CAST: variants seen among roughly 807,000 people sequenced by gnomAD.
CAST encodes the protein MIR583 host.
Under a neutral mutation model 119.6 loss-of-function variants are expected in CAST, and 76 were observed. The observed-to-expected ratio is 0.64, with a 90% CI of 0.53 to 0.77. CAST has a LOEUF of 0.77. Among genes scored for constraint, CAST ranks in the 30% least tolerant of loss-of-function variants. The pLI, the probability that CAST is intolerant of heterozygous loss-of-function variation, is 0.00. For missense variants in CAST, 953 were observed against 946.5 expected, an observed-to-expected ratio of 1.01 and a Z score of -0.09; for synonymous variants, 319 against 331.6, an observed-to-expected ratio of 0.96 and a Z score of 0.41.
the CAST span, among the ~76,000 whole-genome samples, chr5:96,428,382 G>A: frequency 6.6e-6 from 1 of 152,074 alleles, no homozygotes; most frequent in South Asian, 2.1e-4. Context: ...GGCGAATCAG[G>A]ATAAATTTCT....
the CAST span, among the ~76,000 whole-genome samples, chr5:96,127,243 T>G: frequency 2.0e-5 from 3 of 152,134 alleles, no homozygotes; most frequent in South Asian, 2.1e-4. Flanking sequence ...CATTACAAAT[T>G]ACAATTTTTG....
chr5:96,198,253 C>T, the CAST span, among the ~76,000 whole-genome samples: 1 of 152,238 alleles, frequency 6.6e-6, no homozygotes, highest in Non-Finnish European at 1.5e-5. Context: ...TACCTCTGGA[C>T]TTCATTTAGT....
the CAST span, among the ~76,000 whole-genome samples, chr5:96,465,567 A>G: frequency 6.6e-6 from 1 of 152,118 alleles, no homozygotes; most frequent in South Asian, 2.1e-4. Context: ...TTCAAAGTAC[A>G]TGTGATCATT....
At chr5:96,345,050 A>C in the CAST span, among the ~76,000 whole-genome samples, 4 of 152,112 alleles carry the variant, frequency 2.6e-5, no homozygotes, top group African/African-American at 7.2e-5. Flanking sequence ...AATGAAATTC[A>C]ATTTGTATTT....
the CAST span, among the ~76,000 whole-genome samples, chr5:96,425,044 G>GAAAGAAAA: frequency 4.7e-3 from 601 of 127,176 alleles, 11 homozygotes; most frequent in African/African-American, 0.016. Flanking sequence ...AAGAAAGAAA[G>GAAAGAAAA]AAAGAAAGAA....
chr5:96,398,863 A>G, the CAST span: 1 of 1,604,882 alleles, frequency 6.2e-7, no homozygotes, highest in African/African-American at 1.3e-5. Flanking sequence ...AATGGCTTAG[A>G]ACTTTTTTAA....
At chr5:96,097,035 A>C in the CAST span, among the ~76,000 whole-genome samples, 1 of 152,208 alleles carries the variant, frequency 6.6e-6, no homozygotes, top group Non-Finnish European at 1.5e-5. Flanking sequence ...TATTTTGATT[A>C]AGTTTGACGT....
At chr5:96,051,319 G>A in the CAST span, among the ~76,000 whole-genome samples, 2 of 152,012 alleles carry the variant, frequency 1.3e-5, no homozygotes, top group African/African-American at 4.8e-5. Flanking sequence ...GTTGATGTTG[G>A]TGTAGATCTA....
At chr5:96,292,943 G>T in the CAST span, among the ~76,000 whole-genome samples, 2 of 152,200 alleles carry the variant, frequency 1.3e-5, no homozygotes, top group Admixed American at 1.3e-4. Flanking sequence ...TCATTAAAGA[G>T]TCCCGACTGA....
chr5:96,105,427 T>G, the CAST span, among the ~76,000 whole-genome samples: 1 of 152,232 alleles, frequency 6.6e-6, no homozygotes, highest in African/African-American at 2.4e-5. Flanking sequence ...CCTAATTTAT[T>G]GAGAGTTTTT....
chr5:96,569,737 C>A (rs560195118), intron 1 of CAST, among the ~76,000 whole-genome samples: 1 of 152,354 alleles, frequency 6.6e-6, no homozygotes, highest in Admixed American at 6.5e-5. Context: ...AGCGACAACA[C>A]GATCACTGAT....
At chr5:96,727,112 A>AT (rs1356210732) in intron 5 of CAST, among the ~76,000 whole-genome samples, 2 of 152,206 alleles carry the variant, frequency 1.3e-5, no homozygotes, top group African/African-American at 4.8e-5. Flanking sequence ...TATTTCACTG[A>AT]TAAAAACACC....
intron 3 of CAST, among the ~76,000 whole-genome samples, chr5:96,714,461 G>C (rs1052912355): frequency 6.6e-6 from 1 of 152,244 alleles, no homozygotes; most frequent in African/African-American, 2.4e-5. Flanking sequence ...AGAGCTCCAA[G>C]TCACATGGCT....
chr5:96,183,595 A>G, the CAST span, among the ~76,000 whole-genome samples: 2 of 151,994 alleles, frequency 1.3e-5, no homozygotes, highest in East Asian at 3.9e-4. Context: ...TTTTCCACAT[A>G]TTTATTTCGG....
chr5:96,576,233 T>C (rs1291216395), intron 1 of CAST, among the ~76,000 whole-genome samples: 1 of 152,218 alleles, frequency 6.6e-6, no homozygotes, highest in Non-Finnish European at 1.5e-5. Context: ...ATAAAATGAG[T>C]TGAAAAGTGT....
At chr5:96,114,512 C>T in the CAST span, among the ~76,000 whole-genome samples, 640 of 152,216 alleles carry the variant, frequency 4.2e-3, 5 homozygotes, top group African/African-American at 0.014. Flanking sequence ...GGAGTGTTTA[C>T]GGGTCAAAGA....
intron 2 of CAST, among the ~76,000 whole-genome samples, chr5:96,681,564 T>C (rs1436767899): frequency 6.6e-6 from 1 of 151,458 alleles, no homozygotes; most frequent in Non-Finnish European, 1.5e-5. Flanking sequence ...AAACCCCGTC[T>C]CTACTAAAAA....
intron 1 of CAST, among the ~76,000 whole-genome samples, chr5:96,590,730 A>G (rs949892224): frequency 6.6e-6 from 1 of 152,264 alleles, no homozygotes; most frequent in Non-Finnish European, 1.5e-5. Flanking sequence ...ACTGGTTCCT[A>G]TTCTCCAACT....
chr5:96,289,016 G>A, the CAST span, among the ~76,000 whole-genome samples: 1 of 151,726 alleles, frequency 6.6e-6, no homozygotes, highest in Non-Finnish European at 1.5e-5. Context: ...CCACTGTATG[G>A]TAAGGAATTT....
Sources: gnomAD v4.1 joint callset for allele counts (sites outside exome capture counted in the v4.1 genomes callset) on GRCh38, gnomAD v4.1.1 for gene constraint, MANE v1.5 for transcripts, NCBI Gene and HGNC (gene_info 2026-07-23, HGNC 2026-07-21) for gene names.